CMYA5: variants seen among roughly 807,000 people sequenced by gnomAD.
CMYA5 encodes cardiomyopathy-associated protein 5.
In CMYA5, 246 loss-of-function variants were observed where a neutral mutation model predicts 318.9. The ratio of observed to expected loss-of-function variants is 0.77; its 90% confidence interval spans 0.70 to 0.86. The LOEUF (loss-of-function observed/expected upper bound fraction) is 0.86. CMYA5 is among the 40% of genes least tolerant of loss of function. The probability of loss-of-function intolerance (pLI) is 0.00; values close to 1 mark genes in which losing one functional copy is unlikely to be tolerated. For synonymous variants in CMYA5, 1,641 were observed against 1,729.5 expected (o/e 0.95, Z 1.27); for missense variants, 4,589 against 4,678.2 (o/e 0.98, Z 0.56).
At chr5:79,700,069 C>T (rs1157600270) in intron 1 of CMYA5, among the ~76,000 whole-genome samples, 1 of 152,184 alleles carries the variant, frequency 6.6e-6, no homozygotes, top group African/African-American at 2.4e-5. Flanking sequence ...TCTACTTTAC[C>T]TTAGAGAGAA....
In CMYA5 at chr5:79,733,357, T is replaced by C; in HGVS notation, c.4592T>C (p.Leu1531Pro). 1 of 1,613,564 alleles carries C rather than the reference T, an allele frequency of 6.2e-7. No individual in the cohort carries two copies. The highest frequency in any genetic ancestry group is 8.5e-7 in the Non-Finnish European group (1 of 1,179,832). Residue 1531 changes from leucine to proline, a missense_variant, in exon 2 of 13, where the codon CTC (leucine) becomes CCC (proline). Coordinates refer to ENST00000446378, the MANE Select transcript of CMYA5 (RefSeq NM_153610.5). ...TTAGAGCCTGAACATGAGCTTCCAC[T>C]CAGCCTATGGGGTGAGATAAAGAAG... ...EVLEPEHELP[L>P]SLWGEIKKKE... is the part of the protein sequence containing the mutation.
chr5:79,793,301 G>A, intron 11 of CMYA5, 136 bp from the exon 12 acceptor site: 1 of 779,258 alleles, frequency 1.3e-6, no homozygotes, highest in African/African-American at 1.7e-5. Context: ...AATGAACAGA[G>A]TATCTTTAGT....
In CMYA5 at chr5:79,689,972, C is replaced by A; in HGVS notation, c.65C>A (p.Ala22Glu). The A allele has an allele frequency of 7.5e-7, 1 of 1,329,598 alleles. No individual in the cohort carries two copies. The highest frequency in any genetic ancestry group is 1.0e-6 in the Non-Finnish European group (1 of 954,808). 82.4% of individuals were successfully genotyped at this position (1,329,598 alleles called of 1,614,324 possible). ...SFLGSDGDEE[A>E]TRELETEEES... Reference sequence around the variant, plus strand: ...CTCGGCTCCGACGGGGACGAGGAGGCGACCCGGGAGCTGGAGACCGAGGAG... The same window carrying A: ...CTCGGCTCCGACGGGGACGAGGAGGAGACCCGGGAGCTGGAGACCGAGGAG... The change falls in exon 1 of 13, where the codon GCG (alanine) becomes GAG (glutamate). Residue 22 changes from alanine (A) to glutamate (E), a missense_variant. Physicochemically the swap from Ala to Glu is moderately radical, Grantham distance 107. Around this residue, in one of 3 missense-constraint regions of CMYA5, gnomAD observed 2,132 missense variants for 2,131.3 expected, o/e 1.00. Transcript: ENST00000446378.
At chr5:79,740,348 C>T (rs1013550494) in intron 2 of CMYA5, among the ~76,000 whole-genome samples, 3 of 152,148 alleles carry the variant, frequency 2.0e-5, no homozygotes, top group African/African-American at 7.2e-5. Flanking sequence ...GGCAATAGTC[C>T]TTAACATTAC....
At chr5:79,753,225 C>CT (rs1828466031) in intron 6 of CMYA5, among the ~76,000 whole-genome samples, 1 of 152,156 alleles carries the variant, frequency 6.6e-6, no homozygotes, top group African/African-American at 2.4e-5. Context: ...TTCTTTTCCC[C>CT]TTTTTTCAAA....
chr5:79,732,205 C>A lies in CMYA5; in HGVS notation c.3440C>A (p.Ala1147Asp). Residue 1147 changes from alanine (A) to aspartate (D), a missense_variant, in exon 2 of 13, where the codon GCT (alanine) becomes GAT (aspartate). This residue lies in a region of CMYA5 where 2,132 missense variants were observed against 2,131.3 expected (regional missense o/e 1.00). Transcript: ENST00000446378. The part of the protein sequence containing the change: ...KGEREASSSV[A>D]AIPAALPAQS... ...GAAAGGGAGGCAAGTTCATCAGTAG[C>A]TGCAATACCTGCTGCTTTACCTGCA... 1 of 1,613,908 alleles carries A rather than the reference C, an allele frequency of 6.2e-7. No individual in the cohort carries two copies.
At chr5:79,724,506 T>G (rs1248109116) in intron 1 of CMYA5, among the ~76,000 whole-genome samples, 1 of 152,210 alleles carries the variant, frequency 6.6e-6, no homozygotes, top group African/African-American at 2.4e-5. Context: ...TGAACCTTCT[T>G]GCTCAACGCT....
intron 1 of CMYA5, among the ~76,000 whole-genome samples, chr5:79,707,973 A>G (rs1263127321): frequency 1.3e-5 from 2 of 152,234 alleles, no homozygotes; most frequent in Non-Finnish European, 2.9e-5. Context: ...AAAAGGCCCT[A>G]GAGTGCTCCC....
intron 8 of CMYA5, 59 bp downstream of exon 8, chr5:79,762,016 T>G: frequency 5.9e-6 from 9 of 1,533,956 alleles, no homozygotes; most frequent in Non-Finnish European, 7.0e-6. Flanking sequence ...TCACAGACTC[T>G]TGAGATCAGC....
At chr5:79,776,899 C>A (rs1446813365) in intron 9 of CMYA5, among the ~76,000 whole-genome samples, 1 of 152,150 alleles carries the variant, frequency 6.6e-6, no homozygotes, top group East Asian at 1.9e-4. Flanking sequence ...CACAGGCCGC[C>A]CCGCTCCCCT....
intron 9 of CMYA5, among the ~76,000 whole-genome samples, chr5:79,773,897 T>C (rs561256941): frequency 3.9e-5 from 6 of 152,090 alleles, no homozygotes; most frequent in Non-Finnish European, 8.8e-5. Flanking sequence ...GGAAGACAAG[T>C]TGAAAGGAAA....
At chr5:79,743,994 A>G (rs1828269971) in intron 3 of CMYA5, 72 bp downstream of exon 3, 1 of 756,968 alleles carries the variant, frequency 1.3e-6, no homozygotes, top group East Asian at 2.9e-5. Flanking sequence ...TCTGAGGTGA[A>G]GGGATCTGAC....
Position 79,798,238 on chromosome 5 carries a change from A to G in CMYA5, c.11964-1132A>G, listed in dbSNP as rs73125689. Among the ~76,000 whole-genome samples the G allele has an allele frequency of 3.8e-3, 572 of 151,982 alleles. 2 individuals are homozygous for G. Among genetic ancestry groups the G allele is most frequent in the African/African-American group, 0.013 (551 of 41,428 alleles). On this transcript the variant is annotated intron_variant, in intron 12 of 12. Transcript: ENST00000446378. ...AAGACAGTTGTTGCAAGTCTTGAAG[A>G]TCCTCAGCCCTCCCTGCCAGACCCG...
chr5:79,766,955 G>A (rs956791224), intron 9 of CMYA5, among the ~76,000 whole-genome samples: 1 of 152,042 alleles, frequency 6.6e-6, no homozygotes, highest in East Asian at 1.9e-4. Flanking sequence ...TTGGTTGGTA[G>A]GATATTAATT....
chr5:79,789,272 T>C (rs191204258), intron 10 of CMYA5, among the ~76,000 whole-genome samples, 168 bp downstream of exon 10: 5 of 152,170 alleles, frequency 3.3e-5, no homozygotes, highest in Admixed American at 2.6e-4. Flanking sequence ...ATTTCTTTTG[T>C]TTTTCTGCTT....
At chr5:79,692,293 A>T (rs1041080840) in intron 1 of CMYA5, among the ~76,000 whole-genome samples, 3 of 152,148 alleles carry the variant, frequency 2.0e-5, no homozygotes, top group African/African-American at 7.2e-5. Context: ...GGGGGCTTAG[A>T]ATTTTATTTT....
chr5:79,709,960 C>CAAAAAAAAAAAAAAAAAA (rs61657639), intron 1 of CMYA5, among the ~76,000 whole-genome samples: 33 of 24,314 alleles, frequency 1.4e-3, no homozygotes, highest in Admixed American at 2.4e-3. Context: ...GACTCCATCT[C>CAAAAAAAAAAAAAAAAAA]AAAAAAAAAA....
At chr5:79,716,529 C>T (rs13185167) in intron 1 of CMYA5, among the ~76,000 whole-genome samples, 2 of 152,058 alleles carry the variant, frequency 1.3e-5, no homozygotes, top group Admixed American at 1.3e-4. Context: ...TAATAGATGT[C>T]CTTCTACTTG....
chr5:79,744,656 C>T (rs77671481), intron 3 of CMYA5, among the ~76,000 whole-genome samples: 5,719 of 152,294 alleles, frequency 0.038, 374 homozygotes, highest in African/African-American at 0.13. Flanking sequence ...GTGTCACCTT[C>T]CCCAGGTGTC....
Sources: allele counts gnomAD v4.1 joint callset (sites outside exome capture counted in the v4.1 genomes callset), GRCh38; gene constraint gnomAD v4.1.1; regional missense constraint gnomAD v4.1.1; transcripts MANE v1.5; gene names NCBI Gene and HGNC (gene_info 2026-07-23, HGNC 2026-07-21).